Variants in GNA14 observed in about 807,000 individuals in gnomAD.
The protein encoded by GNA14 is guanine nucleotide-binding protein subunit alpha-14.
GNA14 carries 50 observed loss-of-function variants against 42.0 expected under a neutral mutation model. The observed-to-expected ratio is 1.19, with a 90% CI of 0.95 to 1.51. GNA14 has a LOEUF of 1.51. Ranked by LOEUF, GNA14 falls within the 40% of genes most tolerant of loss-of-function variation. The pLI is 0.00. For missense variants in GNA14, 473 were observed against 446.2 expected (o/e 1.06, Z -0.54); for synonymous variants, 173 against 163.1 (o/e 1.06, Z -0.46).
At chr9:77,516,122 G>C (rs983271287) in intron 2 of GNA14, among the ~76,000 whole-genome samples, 2 of 152,042 alleles carry the variant, frequency 1.3e-5, no homozygotes, top group African/African-American at 4.8e-5. Context: ...CTTTACTCAA[G>C]GATCTCCTTC....
intron 1 of GNA14, among the ~76,000 whole-genome samples, chr9:77,623,216 C>CAAAAAA (rs34368561): frequency 5.6e-4 from 15 of 26,850 alleles, no homozygotes; most frequent in African/African-American, 6.8e-4. Flanking sequence ...GACGCTGTCT[C>CAAAAAA]AAAAAAAAAA....
chr9:77,576,697 A>G (rs1459730326), intron 1 of GNA14, among the ~76,000 whole-genome samples: 2 of 152,182 alleles, frequency 1.3e-5, no homozygotes, highest in Admixed American at 6.5e-5. Context: ...TTTAGGTCTG[A>G]AAACCTATAC....
intron 1 of GNA14, among the ~76,000 whole-genome samples, chr9:77,583,712 A>G (rs1348471805): frequency 1.3e-5 from 2 of 152,054 alleles, no homozygotes; most frequent in African/African-American, 4.8e-5. Context: ...TCAGCCCCTA[A>G]ACTAATGTTT....
At chr9:77,482,094 G>T (rs934259604) in intron 2 of GNA14, among the ~76,000 whole-genome samples, 1 of 152,146 alleles carries the variant, frequency 6.6e-6, no homozygotes, top group Non-Finnish European at 1.5e-5. Context: ...CTGTCATTAT[G>T]ATGTTAGTTG....
At chr9:77,573,376 G>A (rs929093539) in intron 1 of GNA14, among the ~76,000 whole-genome samples, 2 of 152,048 alleles carry the variant, frequency 1.3e-5, no homozygotes, top group African/African-American at 4.8e-5. Flanking sequence ...TTGAACCCAG[G>A]AGGCGGAGGT....
intron 1 of GNA14, among the ~76,000 whole-genome samples, chr9:77,551,576 A>G (rs2131782110): frequency 6.6e-6 from 1 of 151,886 alleles, no homozygotes; most frequent in South Asian, 2.1e-4. Flanking sequence ...TCCAGACTGA[A>G]GCTGAAGCCC....
In GNA14 at chr9:77,648,140, C is replaced by T. The variant is rs918395363; in HGVS notation, c.-347G>A. The T allele has an allele frequency of 1.5e-5, 5 of 339,458 alleles. No individual in the cohort carries two copies. The South Asian group carries it at 1.6e-4, about 11-fold the overall frequency. 21.0% of individuals were successfully genotyped at this position (339,458 alleles called of 1,614,324 possible). A position where few individuals can be genotyped will look rare whatever the true frequency, so the allele number is the denominator to read the frequency against. On this transcript the variant is annotated 5_prime_UTR_variant, in exon 1 of 7. Coordinates refer to ENST00000341700, the MANE Select transcript of GNA14 (RefSeq NM_004297.4). Reference sequence around the variant, plus strand: ...CGCGCCCCTTGGCACAGGAGCCGGACAGCAGTCGGGGGCGCAGACGAGTTG... The same window carrying T: ...CGCGCCCCTTGGCACAGGAGCCGGATAGCAGTCGGGGGCGCAGACGAGTTG...
At chr9:77,470,993 T>A (rs1333369711) in intron 2 of GNA14, among the ~76,000 whole-genome samples, 5 of 152,132 alleles carry the variant, frequency 3.3e-5, no homozygotes, top group Non-Finnish European at 7.3e-5. Flanking sequence ...GGAGTTACAA[T>A]TCAATATGAG....
chr9:77,639,563 C>G (rs571692738), intron 1 of GNA14, among the ~76,000 whole-genome samples: 25 of 152,280 alleles, frequency 1.6e-4, no homozygotes, highest in African/African-American at 3.1e-4. Context: ...AAAAGTGACA[C>G]CAGGGTGCAG....
chr9:77,637,681 C>A (rs964475108), intron 1 of GNA14, among the ~76,000 whole-genome samples: 1 of 152,014 alleles, frequency 6.6e-6, no homozygotes, highest in Non-Finnish European at 1.5e-5. Context: ...ATAGCAAGAC[C>A]CCATCTCCAA....
At chr9:77,623,769 C>A (rs1309250854) in intron 1 of GNA14, among the ~76,000 whole-genome samples, 1 of 152,196 alleles carries the variant, frequency 6.6e-6, no homozygotes, top group Non-Finnish European at 1.5e-5. Context: ...GTCTTCGGAA[C>A]CCGCAGACCA....
chr9:77,470,544 A>G (rs968112082), intron 2 of GNA14, among the ~76,000 whole-genome samples: 2 of 152,206 alleles, frequency 1.3e-5, no homozygotes, highest in East Asian at 3.9e-4. Context: ...CAACTAATTT[A>G]TAACACAGAA....
chr9:77,647,704 C>T lies in GNA14; in HGVS notation c.90G>A (p.Lys30=), dbSNP rs777678411. 1 of 1,610,300 alleles carries T rather than the reference C, an allele frequency of 6.2e-7. No individual in the cohort carries two copies. The highest frequency in any genetic ancestry group is 1.1e-5 in the South Asian group (1 of 90,196). The stretch of plus-strand genomic sequence containing the variant: ...GCAGCTTAAGCTCACGGCGCGCGTC[C>T]TTCTTGTCCCGACGAAGCTGTCGCT... ...EIERQLRRDK[K]DARRELKLLL... is the part of the protein sequence containing the mutation. Residue 30 remains lysine, a synonymous_variant, in exon 1 of 7, where the codon AAG becomes AAA. Transcript: ENST00000341700.
chr9:77,470,450 G>A (rs1376055396), intron 2 of GNA14, among the ~76,000 whole-genome samples: 1 of 152,216 alleles, frequency 6.6e-6, no homozygotes, highest in African/African-American at 2.4e-5. Flanking sequence ...GGTGACGGTA[G>A]AATACTCTGT....
rs539524948 is a variant in GNA14 at position 77,431,735 on chromosome 9, C to T, written c.465-286G>A. The T allele has an allele frequency of 2.4e-4, 69 of 293,344 alleles. No homozygotes were observed. The East Asian group carries it at 3.8e-3, about 16-fold the overall frequency. 18.2% of individuals were successfully genotyped at this position (293,344 alleles called of 1,614,324 possible). On this transcript the variant is annotated intron_variant, in intron 3 of 6. Coordinates refer to ENST00000341700, the MANE Select transcript of GNA14 (RefSeq NM_004297.4). Reference sequence around the variant, plus strand: ...AGCTCTATCGCTTCTATTTGACCAGCGAGGGAGACAGTGGGGCTGGAAGGA... The same window carrying T: ...AGCTCTATCGCTTCTATTTGACCAGTGAGGGAGACAGTGGGGCTGGAAGGA...
At position 77,611,178 on chromosome 9, in the gene GNA14, G is replaced by A. The variant is rs949471654; in HGVS notation, c.124+36492C>T. Among the ~76,000 whole-genome samples, 11 of 152,324 alleles carry A rather than the reference G, an allele frequency of 7.2e-5. No individual in the cohort carries two copies. In the East Asian group the frequency reaches 2.1e-3, roughly 29 times the overall value. ...CTATCAAGAACTAAGAAGGGTTGGA[G>A]ATTTTACCTTACTTGCAAGCTCCCA... On this transcript the variant is annotated intron_variant, in intron 1 of 6. Transcript: ENST00000341700.
At chr9:77,572,546 G>A (rs886209964) in intron 1 of GNA14, among the ~76,000 whole-genome samples, 5 of 152,216 alleles carry the variant, frequency 3.3e-5, no homozygotes, top group Non-Finnish European at 7.3e-5. Flanking sequence ...GTAATAAACT[G>A]ATCTGTGACC....
intron 1 of GNA14, among the ~76,000 whole-genome samples, chr9:77,595,720 A>G (rs1355109824): frequency 6.6e-6 from 1 of 152,216 alleles, no homozygotes; most frequent in South Asian, 2.1e-4. Context: ...TGAATAGGAT[A>G]AAGTAAATCT....
intron 1 of GNA14, among the ~76,000 whole-genome samples, chr9:77,573,444 G>A (rs939470494): frequency 5.9e-5 from 9 of 151,592 alleles, no homozygotes; most frequent in African/African-American, 9.7e-5. Flanking sequence ...GTGACATTCC[G>A]TCTCAAAAAA....
Sources: gnomAD v4.1 joint callset for allele counts (sites outside exome capture counted in the v4.1 genomes callset) on GRCh38, gnomAD v4.1.1 for gene constraint, MANE v1.5 for transcripts, NCBI Gene and HGNC (gene_info 2026-07-23, HGNC 2026-07-21) for gene names.